Variants in KAZN observed in about 807,000 individuals in gnomAD.
KAZN encodes kazrin.
A neutral mutation model predicts 87.4 loss-of-function variants in KAZN; 40 were observed. That is an observed-to-expected ratio of 0.46 (90% CI 0.36 to 0.60). KAZN has a LOEUF of 0.60. Among genes scored for constraint, KAZN ranks in the 20% least tolerant of loss-of-function variants. KAZN has a pLI of 0.00. For missense variants in KAZN, 898 were observed against 1,073.9 expected (o/e 0.84, Z 2.29); for synonymous variants, 466 against 458.3 (o/e 1.02, Z -0.22).
chr1:14,323,184 G>T lies in KAZN; in HGVS notation c.249+142592G>T, dbSNP rs116526246. 7.2e-3 allele frequency among the ~76,000 whole-genome samples: 1,100 copies of T among 152,158 alleles called. 9 individuals carry two copies. Among genetic ancestry groups the T allele is most frequent in the African/African-American group, 0.025 (1,052 of 41,504 alleles). On this transcript the variant is annotated intron_variant, in intron 2 of 16. Transcript: ENST00000636203. ...ACAATTCAAGATGAGATTAGGGTGG[G>T]GACGCAAAACCTAACCATATCACCA...
At chr1:14,635,642 A>G (rs1400941329) in intron 1 of KAZN, among the ~76,000 whole-genome samples, 2 of 152,202 alleles carry the variant, frequency 1.3e-5, no homozygotes, top group Non-Finnish European at 2.9e-5. Context: ...CTCTCAGGGC[A>G]TCATTGGAGA....
intron 1 of KAZN, chr1:14,924,064 G>C: frequency 1.1e-6 from 1 of 922,666 alleles, no homozygotes; most frequent in African/African-American, 1.8e-5. Flanking sequence ...GGGGCGGGGC[G>C]GGGGCGGGGC....
At chr1:14,323,007 G>C (rs980563879) in intron 2 of KAZN, among the ~76,000 whole-genome samples, 1 of 152,174 alleles carries the variant, frequency 6.6e-6, no homozygotes, top group African/African-American at 2.4e-5. Context: ...GGAAGGAGAA[G>C]TGCTGAGTGA....
intron 1 of KAZN, among the ~76,000 whole-genome samples, chr1:14,614,098 A>C (rs1194588035): frequency 6.6e-6 from 1 of 152,222 alleles, no homozygotes; most frequent in African/African-American, 2.4e-5. Context: ...AACTGCCATC[A>C]CTAACTAGTG....
Position 14,949,155 on chromosome 1 carries a change from AAATAATAATAAT to A in KAZN, c.227-11505_227-11494del, listed in dbSNP as rs3039717. On this transcript the variant is annotated intron_variant, in intron 1 of 14. Transcript: ENST00000376030. The surrounding 1 kb of genome is among the most constrained non-coding windows in gnomAD (Gnocchi z 4.3). ...GCAACAGAGTGAGACTCCGACTCAAAAATAATAATAATAATAATAATAATAATAATAATAAGT... is the reference window on the plus strand; with the variant it reads ...GCAACAGAGTGAGACTCCGACTCAAAAATAATAATAATAATAATAATAAGT... 4.7e-4 allele frequency among the ~76,000 whole-genome samples: 68 copies of A among 143,860 alleles called. 1 individual carries two copies. The highest frequency in any genetic ancestry group is 7.5e-3 in the Middle Eastern group (2 of 268). The allele number at this position is 143,860 out of a possible 152,430, so 94.4% of individuals were successfully genotyped here.
chr1:14,324,052 A>T lies in KAZN; in HGVS notation c.249+143460A>T, dbSNP rs980330094. On this transcript the variant is annotated intron_variant, in intron 2 of 16. Coordinates refer to the KAZN transcript ENST00000636203. Reference sequence around the variant, plus strand: ...TGCCTTGCCAAATGCAGCCCACAGCAACCTGTGCACCCTAATTGCATTCTG... The same window carrying T: ...TGCCTTGCCAAATGCAGCCCACAGCTACCTGTGCACCCTAATTGCATTCTG... Among the ~76,000 whole-genome samples, 24 of 152,158 alleles carry T rather than the reference A, an allele frequency of 1.6e-4. 1 individual carries two copies. The highest frequency in any genetic ancestry group is 4.4e-5 in the Non-Finnish European group (3 of 68,036).
intron 1 of KAZN, among the ~76,000 whole-genome samples, chr1:14,774,046 G>T (rs1023102084): frequency 1.3e-5 from 2 of 152,198 alleles, no homozygotes; most frequent in Non-Finnish European, 2.9e-5. Flanking sequence ...GTCATCCAAG[G>T]ATCCAGGAGA....
At chr1:14,852,099 C>T (rs981609901) in intron 1 of KAZN, among the ~76,000 whole-genome samples, 1 of 152,076 alleles carries the variant, frequency 6.6e-6, no homozygotes, top group Non-Finnish European at 1.5e-5. Context: ...GGGAGGCAAA[C>T]GTAAAGTCTG....
intron 2 of KAZN, among the ~76,000 whole-genome samples, chr1:14,267,359 CAAAA>C (rs61641430): frequency 1.7e-4 from 11 of 64,742 alleles, no homozygotes; most frequent in Middle Eastern, 7.8e-3. Context: ...AGCCGATAAG[CAAAA>C]AAAAAAAAAA....
chr1:14,594,276 T>C (rs1049185543), upstream of KAZN, among the ~76,000 whole-genome samples: 4 of 152,250 alleles, frequency 2.6e-5, no homozygotes, highest in African/African-American at 9.6e-5. Context: ...ACGGCTGTGC[T>C]GTCAGCAATG....
At chr1:14,479,732 C>A (rs1394825991) in intron 2 of KAZN, among the ~76,000 whole-genome samples, 1 of 152,168 alleles carries the variant, frequency 6.6e-6, no homozygotes, top group East Asian at 1.9e-4. Flanking sequence ...AAGACAGTGG[C>A]ATGATCCCCT....
intron 2 of KAZN, among the ~76,000 whole-genome samples, chr1:14,309,988 T>A (rs1655176203): frequency 6.6e-6 from 1 of 152,042 alleles, no homozygotes; most frequent in African/African-American, 2.4e-5. Context: ...AGACAAGGGA[T>A]GAAGCAGCAG....
chr1:15,111,326 TG>T (rs1411549254), intron 13 of KAZN, among the ~76,000 whole-genome samples: 1 of 152,016 alleles, frequency 6.6e-6, no homozygotes, highest in African/African-American at 2.4e-5. Flanking sequence ...TGGAGTGCAG[TG>T]GTACGATCTC....
Position 14,427,079 on chromosome 1 carries a change from T to C in KAZN, c.250-171904T>C, listed in dbSNP as rs75044101. ...TCACAAGACCTGTAAAATTGTTTACTTTCCAGAGGGCTGAGAAGGGAAGCC... is the reference window on the plus strand; with the variant it reads ...TCACAAGACCTGTAAAATTGTTTACCTTCCAGAGGGCTGAGAAGGGAAGCC... On this transcript the variant is annotated intron_variant, in intron 2 of 16. Coordinates refer to the KAZN transcript ENST00000636203. 1.4e-3 allele frequency among the ~76,000 whole-genome samples: 209 copies of C among 152,324 alleles called. 6 individuals are homozygous for C. In the East Asian group the frequency reaches 0.034, roughly 25 times the overall value.
intron 2 of KAZN, among the ~76,000 whole-genome samples, chr1:14,185,480 G>A (rs534052023): frequency 6.6e-6 from 1 of 152,294 alleles, no homozygotes; most frequent in South Asian, 2.1e-4. Flanking sequence ...AATAATCCAT[G>A]TGCTCCATTA....
At chr1:14,190,864 T>C (rs899021645) in intron 2 of KAZN, among the ~76,000 whole-genome samples, 4 of 152,090 alleles carry the variant, frequency 2.6e-5, no homozygotes, top group African/African-American at 7.2e-5. Flanking sequence ...TGCACACTTA[T>C]AAGAAATAAT....
intron 2 of KAZN, among the ~76,000 whole-genome samples, chr1:14,496,186 C>T (rs1423141246): frequency 6.6e-6 from 1 of 152,150 alleles, no homozygotes; most frequent in African/African-American, 2.4e-5. Flanking sequence ...TTTCAGTTCA[C>T]ACACACAATC....
intron 8 of KAZN, among the ~76,000 whole-genome samples, chr1:15,082,435 C>T (rs1031782609): frequency 1.3e-5 from 2 of 152,150 alleles, no homozygotes; most frequent in African/African-American, 4.8e-5. Flanking sequence ...CTCAGAAGCC[C>T]AGGGCATGGG....
chr1:14,901,576 G>A (rs1415572781), intron 1 of KAZN, among the ~76,000 whole-genome samples: 5 of 152,304 alleles, frequency 3.3e-5, no homozygotes, highest in East Asian at 3.9e-4. Flanking sequence ...TGCTGTGATC[G>A]TCCAGGGGAG....
Sources: gnomAD v4.1 joint callset for allele counts (sites outside exome capture counted in the v4.1 genomes callset) on GRCh38, gnomAD v4.1.1 for gene constraint, Gnocchi (gnomAD v3.1) non-coding constraint, MANE v1.5 for transcripts, NCBI Gene and HGNC (gene_info 2026-07-23, HGNC 2026-07-21) for gene names.